Variants in TMEM233 observed in about 807,000 individuals in gnomAD.
TMEM233 encodes the protein dispanin subfamily B member 2.
A neutral mutation model predicts 11.2 loss-of-function variants in TMEM233; 6 were observed. That is an observed-to-expected ratio of 0.54 (90% CI 0.29 to 1.06). The LOEUF (loss-of-function observed/expected upper bound fraction) is 1.06, where lower values mean the gene tolerates loss of function less well. Ranked by LOEUF, TMEM233 falls within the 50% of genes least tolerant of loss-of-function variation. The pLI is 0.08. For synonymous variants in TMEM233, 59 were observed against 55.8 expected (o/e 1.06, Z -0.26); for missense variants, 127 against 144.7 (o/e 0.88, Z 0.63).
At chr12:119,634,476 G>T (rs1286993619) in intron 2 of TMEM233, among the ~76,000 whole-genome samples, 3 of 152,062 alleles carry the variant, frequency 2.0e-5, no homozygotes, top group Non-Finnish European at 4.4e-5. Flanking sequence ...AGCTGGGTTT[G>T]GTGGCGCATA....
At chr12:119,651,219 T>G in the TMEM233 span, among the ~76,000 whole-genome samples, 2 of 152,232 alleles carry the variant, frequency 1.3e-5, no homozygotes, top group African/African-American at 4.8e-5. Flanking sequence ...ATCACAAATT[T>G]AATAGGCTAT....
intron 1 of TMEM233, among the ~76,000 whole-genome samples, chr12:119,596,164 A>G (rs1268867780): frequency 6.6e-6 from 1 of 152,186 alleles, no homozygotes. Flanking sequence ...TCTGGAAACA[A>G]TGCTGCAGCC....
At chr12:119,606,952 T>G (rs905912593) in intron 1 of TMEM233, among the ~76,000 whole-genome samples, 2 of 152,216 alleles carry the variant, frequency 1.3e-5, no homozygotes, top group Non-Finnish European at 2.9e-5. Context: ...ATTTTTATGA[T>G]ACAGGGAAAG....
intron 1 of TMEM233, among the ~76,000 whole-genome samples, chr12:119,627,445 C>T (rs374917928): frequency 1.3e-5 from 2 of 152,284 alleles, no homozygotes; most frequent in African/African-American, 2.4e-5. Context: ...ACAAACATGG[C>T]GCCAGTATCT....
intron 1 of TMEM233, among the ~76,000 whole-genome samples, chr12:119,613,085 T>A (rs1422577611): frequency 6.6e-6 from 1 of 152,082 alleles, no homozygotes; most frequent in East Asian, 1.9e-4. Context: ...ACATTAGGTA[T>A]TTCTCCTAAT....
chr12:119,645,340 T>A (rs866090480), downstream of TMEM233, among the ~76,000 whole-genome samples: 133 of 33,094 alleles, frequency 4.0e-3, 1 homozygote, highest in Middle Eastern at 0.028. Context: ...AAAAAAAAAA[T>A]CTTGTAAGAT....
downstream of TMEM233, among the ~76,000 whole-genome samples, chr12:119,645,172 C>G (rs1372067209): frequency 6.6e-6 from 1 of 152,056 alleles, no homozygotes; most frequent in African/African-American, 2.4e-5. Context: ...GATATAAAAT[C>G]GCTGGCCTCA....
intron 2 of TMEM233, chr12:119,631,560 G>A (rs537032168): frequency 1.0e-6 from 1 of 985,424 alleles, no homozygotes; most frequent in Admixed American, 6.1e-5. Context: ...CAAATTTGAT[G>A]TTGGCCCATG....
At chr12:119,621,399 T>C (rs1251806380) in intron 1 of TMEM233, among the ~76,000 whole-genome samples, 1 of 151,952 alleles carries the variant, frequency 6.6e-6, no homozygotes, top group Non-Finnish European at 1.5e-5. Context: ...CCCAGGCTGG[T>C]CTTGAACTCC....
intron 1 of TMEM233, among the ~76,000 whole-genome samples, chr12:119,609,298 AT>A (rs1208228397): frequency 1.3e-5 from 2 of 152,176 alleles, no homozygotes; most frequent in Admixed American, 1.3e-4. Context: ...GGCAGAAGAA[AT>A]TTCTAAGCAA....
downstream of TMEM233, among the ~76,000 whole-genome samples, chr12:119,645,617 G>T (rs1043889477): frequency 5.3e-5 from 8 of 152,310 alleles, no homozygotes; most frequent in Middle Eastern, 6.8e-3. Flanking sequence ...GGTCAGGAGA[G>T]GGAAGTATGA....
At chr12:119,649,763 C>T in the TMEM233 span, among the ~76,000 whole-genome samples, 1 of 149,704 alleles carries the variant, frequency 6.7e-6, no homozygotes, top group Non-Finnish European at 1.5e-5. Flanking sequence ...TCATCAAATG[C>T]CAACACTGGC....
At chr12:119,611,329 A>G (rs1321513618) in intron 1 of TMEM233, among the ~76,000 whole-genome samples, 1 of 151,890 alleles carries the variant, frequency 6.6e-6, no homozygotes, top group Admixed American at 6.6e-5. Flanking sequence ...CTATATCCTC[A>G]ATAACACATG....
At chr12:119,651,092 A>T in the TMEM233 span, among the ~76,000 whole-genome samples, 1 of 152,252 alleles carries the variant, frequency 6.6e-6, no homozygotes, top group Admixed American at 6.5e-5. Context: ...ACGATTTAGG[A>T]TGCTTTGGGT....
chr12:119,633,509 T>A (rs1406060154), intron 2 of TMEM233, among the ~76,000 whole-genome samples: 2 of 151,966 alleles, frequency 1.3e-5, no homozygotes, highest in African/African-American at 4.8e-5. Context: ...ATCACTTGAG[T>A]CCAGGAATTC....
At chr12:119,629,697 G>A in intron 1 of TMEM233, 39 bp from the exon 2 acceptor site, 1 of 1,530,574 alleles carries the variant, frequency 6.5e-7, no homozygotes, top group Non-Finnish European at 8.8e-7. Flanking sequence ...TTCCCTGTGG[G>A]TTATCTGTCA....
Position 119,640,713 on chromosome 12 carries a change from G to C in TMEM233, c.*8G>C, listed in dbSNP as rs1251393503. On this transcript the variant is annotated 3_prime_UTR_variant, in exon 3 of 3. Transcript: ENST00000426426. Reference sequence around the variant, plus strand: ...GTACCACACAGTGCCTGAGGAACCAGCGGTCAGTGGGCTGTGAGCGTGGAG... The same window carrying C: ...GTACCACACAGTGCCTGAGGAACCACCGGTCAGTGGGCTGTGAGCGTGGAG... The C allele has an allele frequency of 1.0e-5, 16 of 1,550,816 alleles. No homozygotes were observed. The Middle Eastern group carries it at 5.0e-4, about 48-fold the overall frequency.
intron 1 of TMEM233, among the ~76,000 whole-genome samples, chr12:119,626,702 G>A (rs1171461028): frequency 6.6e-6 from 1 of 152,154 alleles, no homozygotes. Context: ...TTATTAAAGG[G>A]AGAAGAACAG....
chr12:119,628,424 G>A lies in TMEM233; in HGVS notation c.187-1312G>A, dbSNP rs971899572. 2.5e-4 allele frequency among the ~76,000 whole-genome samples: 37 copies of A among 149,670 alleles called. 1 individual carries two copies. Among genetic ancestry groups the A allele is most frequent in the Admixed American group, 2.1e-3 (32 of 15,004 alleles). On this transcript the variant is annotated intron_variant, in intron 1 of 2. Coordinates refer to ENST00000426426, the MANE Select transcript of TMEM233 (RefSeq NM_001136534.3). The stretch of plus-strand genomic sequence containing the variant: ...GATCCACCTGCCTCGACCTCCCAAA[G>A]TGCTGGGATTACAGGCGTGAGCCAG...
Sources: gnomAD v4.1 joint callset for allele counts (sites outside exome capture counted in the v4.1 genomes callset) on GRCh38, gnomAD v4.1.1 for gene constraint, MANE v1.5 for transcripts, NCBI Gene and HGNC (gene_info 2026-07-23, HGNC 2026-07-21) for gene names.